Variants in DEGS2 observed in about 807,000 individuals in gnomAD.
DEGS2 encodes the protein delta 4-desaturase, sphingolipid 2, also known as sphingolipid delta(4)-desaturase/C4-monooxygenase DES2.
Under a neutral mutation model 23.8 loss-of-function variants are expected in DEGS2, and 19 were observed. The ratio of observed to expected loss-of-function variants is 0.80; its 90% CI spans 0.56 to 1.17. The LOEUF is 1.17. Among genes scored for constraint, DEGS2 ranks in the 50% most tolerant of loss-of-function variants. The pLI is 0.00. For synonymous variants in DEGS2, 218 were observed against 213.7 expected (o/e 1.02, Z -0.18); for missense variants, 390 against 459.5 (o/e 0.85, Z 1.38).
At chr14:100,165,288 A>T in the DEGS2 span, among the ~76,000 whole-genome samples, 2 of 152,082 alleles carry the variant, frequency 1.3e-5, no homozygotes, top group African/African-American at 4.8e-5. Context: ...AAGCCTGCTC[A>T]CCCTGCCTTG....
chr14:100,163,164 G>A (rs542872253), upstream of DEGS2, among the ~76,000 whole-genome samples: 10 of 152,184 alleles, frequency 6.6e-5, no homozygotes, highest in East Asian at 1.7e-3. Flanking sequence ...CACCCGAGCC[G>A]GGCGAGGTGG....
intron 1 of DEGS2, chr14:100,155,525 GCCTTT>G (rs1230871323): frequency 2.6e-5 from 4 of 152,290 alleles, no homozygotes; most frequent in Admixed American, 6.5e-5. Flanking sequence ...CACTAAACCT[GCCTTT>G]CATTTCCAGT....
At chr14:100,155,777 G>A (rs971205666) in intron 1 of DEGS2, 3 of 151,778 alleles carry the variant, frequency 2.0e-5, no homozygotes, top group African/African-American at 7.3e-5. Context: ...TTCCTCTTTT[G>A]TTTTTCTTTA....
chr14:100,159,572 T>C lies in DEGS2; in HGVS notation c.16A>G (p.Ser6Gly), dbSNP rs1595280959. MGNSA[S>G]RSDFEWVYTD... ...TAGACCCACTCGAAGTCGCTGCGGCTCGCGCTGTTGCCCATGGTGGGGCGG... is the reference window on the plus strand; with the variant it reads ...TAGACCCACTCGAAGTCGCTGCGGCCCGCGCTGTTGCCCATGGTGGGGCGG... The change falls in exon 1 of 3, where the codon AGC becomes GGC. Residue 6 changes from serine to glycine, a missense_variant. Coordinates refer to ENST00000305631, the MANE Select transcript of DEGS2 (RefSeq NM_206918.3). 1.8e-5 allele frequency: 27 copies of C among 1,498,076 alleles called. No homozygotes were observed. The highest frequency in any genetic ancestry group is 1.7e-4 in the African/African-American group (12 of 68,886). 92.8% of individuals were successfully genotyped at this position (1,498,076 alleles called of 1,614,324 possible). A position where few individuals can be genotyped will look rare whatever the true frequency, so the allele number is the denominator to read the frequency against.
chr14:100,164,210 G>T (rs1889781619), upstream of DEGS2, among the ~76,000 whole-genome samples: 2 of 152,058 alleles, frequency 1.3e-5, 1 homozygote, highest in South Asian at 4.1e-4. Flanking sequence ...TGGGATTCCA[G>T]GGGTGAGCCC....
At chr14:100,159,666 A>T, upstream of DEGS2, 10 of 391,432 alleles carry the variant, frequency 2.6e-5, no homozygotes, top group Non-Finnish European at 3.9e-5. Flanking sequence ...GCGCGGAACC[A>T]GCTCTGATTA....
chr14:100,147,653 T>G (rs1421076623), intron 2 of DEGS2, among the ~76,000 whole-genome samples: 2 of 67,126 alleles, frequency 3.0e-5, no homozygotes, highest in South Asian at 5.5e-4. Context: ...AGGGATGCCC[T>G]CCCTGCCCCC....
the DEGS2 span, among the ~76,000 whole-genome samples, chr14:100,165,227 G>A: frequency 6.6e-6 from 1 of 152,050 alleles, no homozygotes; most frequent in Non-Finnish European, 1.5e-5. Flanking sequence ...AGACAACTCC[G>A]GACAGCCCCT....
intron 1 of DEGS2, among the ~76,000 whole-genome samples, chr14:100,156,038 C>T (rs1889652748): frequency 6.6e-6 from 1 of 152,228 alleles, no homozygotes; most frequent in African/African-American, 2.4e-5. Flanking sequence ...GCATGTCCCC[C>T]TCCCCGGCAG....
chr14:100,151,587 G>A (rs554120046), intron 1 of DEGS2, among the ~76,000 whole-genome samples: 125 of 152,314 alleles, frequency 8.2e-4, no homozygotes, highest in Admixed American at 1.6e-3. Context: ...AGGTACAGGG[G>A]GCTCCTGCCA....
At chr14:100,162,998 C>T (rs1002025098), upstream of DEGS2, among the ~76,000 whole-genome samples, 3 of 152,160 alleles carry the variant, frequency 2.0e-5, no homozygotes, top group South Asian at 2.1e-4. Context: ...CAGCACACGT[C>T]GGAGGAAAGC....
chr14:100,150,388 C>CG, intron 1 of DEGS2, among the ~76,000 whole-genome samples: 1 of 65,280 alleles, frequency 1.5e-5, no homozygotes. Context: ...CACCCCAACA[C>CG]CCCCCCCCGC....
chr14:100,150,387 A>AACCCC (rs1889549465), intron 1 of DEGS2, among the ~76,000 whole-genome samples: 2 of 92,274 alleles, frequency 2.2e-5, no homozygotes, highest in Non-Finnish European at 2.1e-5. Context: ...CCACCCCAAC[A>AACCCC]CCCCCCCCCG....
Position 100,146,894 on chromosome 14 carries a change from G to A in DEGS2, c.839C>T (p.Ala280Val), listed in dbSNP as rs926628118. The change falls in exon 3 of 3, where the codon GCG becomes GTG. Residue 280 changes from alanine (A) to valine (V), a missense_variant. By Grantham distance (64) the Ala-to-Val change is moderately conservative (BLOSUM62 0). Coordinates refer to ENST00000305631, the MANE Select transcript of DEGS2 (RefSeq NM_206918.3). The stretch of plus-strand genomic sequence containing the variant: ...CGGCAGGTGGTCGTAGTACTCGGGC[G>A]CGATCTTCCGCACCTGTAGAGAGGA... ...GYNLPLVRKI[A>V]PEYYDHLPQH... 8.7e-6 allele frequency: 14 copies of A among 1,612,768 alleles called. No homozygotes were observed. The highest frequency in any genetic ancestry group is 1.6e-4 in the Middle Eastern group (1 of 6,078).
At chr14:100,159,978 C>A (rs951385747), upstream of DEGS2, 1 of 157,712 alleles carries the variant, frequency 6.3e-6, no homozygotes, top group African/African-American at 2.4e-5. Context: ...TTTACCCCGG[C>A]CCGTTCTCTC....
intron 1 of DEGS2, among the ~76,000 whole-genome samples, chr14:100,158,781 C>T (rs1023803733): frequency 1.3e-5 from 2 of 152,070 alleles, no homozygotes; most frequent in Non-Finnish European, 2.9e-5. Flanking sequence ...CCCGTAAGCC[C>T]GGGCCAAGGA....
chr14:100,146,897 A>C lies in DEGS2; in HGVS notation c.836T>G (p.Ile279Ser). The change falls in exon 3 of 3, where the codon ATC becomes AGC. Residue 279 changes from isoleucine (I) to serine (S), a missense_variant. Physicochemically the swap from Ile to Ser is moderately radical, Grantham distance 142. Transcript: ENST00000305631. ...CAGGTGGTCGTAGTACTCGGGCGCG[A>C]TCTTCCGCACCTGTAGAGAGGAGGG... ...PGYNLPLVRK[I>S]APEYYDHLPQ... is the part of the protein sequence containing the mutation. 1 of 1,612,680 alleles carries C rather than the reference A, an allele frequency of 6.2e-7. No homozygotes were observed. The highest frequency in any genetic ancestry group is 8.5e-7 in the Non-Finnish European group (1 of 1,179,474).
At position 100,146,601 on chromosome 14, in the gene DEGS2, C is replaced by T; in HGVS notation, c.*160G>A. On this transcript the variant is annotated 3_prime_UTR_variant, in exon 3 of 3. Coordinates refer to ENST00000305631, the MANE Select transcript of DEGS2 (RefSeq NM_206918.3). ...AAGTCCACGTGCAGACGGAGCCCTG[C>T]AGCCCACACTGCTGTTGCCAGGTGT... 9.5e-7 allele frequency: 1 copy of T among 1,051,096 alleles called. No homozygotes were observed. Among genetic ancestry groups the T allele is most frequent in the Non-Finnish European group, 1.4e-6 (1 of 731,522 alleles). 65.1% of individuals were successfully genotyped at this position (1,051,096 alleles called of 1,614,324 possible).
At chr14:100,166,451 C>T in the DEGS2 span, among the ~76,000 whole-genome samples, 5 of 151,866 alleles carry the variant, frequency 3.3e-5, no homozygotes, top group African/African-American at 7.3e-5. Flanking sequence ...GGGCAGGAGG[C>T]GCCCTACCCT....
Sources: allele counts gnomAD v4.1 joint callset (sites outside exome capture counted in the v4.1 genomes callset), GRCh38; gene constraint gnomAD v4.1.1; transcripts MANE v1.5; gene names NCBI Gene and HGNC (gene_info 2026-07-23, HGNC 2026-07-21).